The following RBFOX3 variants were observed in gnomAD, a reference collection of about 807,000 sequenced individuals.
RBFOX3 encodes the protein RNA binding fox-1 homolog 3.
In RBFOX3, 17 loss-of-function variants were observed where a neutral mutation model predicts 48.7. That is an observed-to-expected ratio of 0.35 (90% confidence interval 0.24 to 0.52). RBFOX3 has a LOEUF of 0.52. Ranked by LOEUF, RBFOX3 falls within the 20% of genes least tolerant of loss-of-function variation. RBFOX3 has a pLI of 0.94. For missense variants in RBFOX3, 382 were observed against 497.5 expected (o/e 0.77, Z 2.21); for synonymous variants, 212 against 209.5 (o/e 1.01, Z -0.10).
At chr17:79,226,591 T>C (rs1057419117) in intron 4 of RBFOX3, among the ~76,000 whole-genome samples, 1 of 152,106 alleles carries the variant, frequency 6.6e-6, no homozygotes, top group Non-Finnish European at 1.5e-5. Flanking sequence ...GCCTGGGATG[T>C]GGCAAAACTC....
intron 2 of RBFOX3, among the ~76,000 whole-genome samples, chr17:79,461,150 G>C (rs1486928336): frequency 1.3e-5 from 2 of 152,174 alleles, no homozygotes; most frequent in Non-Finnish European, 2.9e-5. Flanking sequence ...GGGGTTGTTG[G>C]GGGTACACAT....
intron 1 of RBFOX3, among the ~76,000 whole-genome samples, chr17:79,543,520 C>T (rs1375532314): frequency 6.6e-6 from 1 of 152,122 alleles, no homozygotes; most frequent in African/African-American, 2.4e-5. Context: ...GCTTCGGCTA[C>T]TCAGCTACTC....
intron 4 of RBFOX3, among the ~76,000 whole-genome samples, chr17:79,149,073 A>G (rs549592898): frequency 6.6e-6 from 1 of 152,198 alleles, no homozygotes; most frequent in African/African-American, 2.4e-5. Flanking sequence ...CGAACAGCGC[A>G]CTCTAAAGCT....
At chr17:79,183,066 C>T (rs1337423011) in intron 4 of RBFOX3, among the ~76,000 whole-genome samples, 1 of 148,960 alleles carries the variant, frequency 6.7e-6, no homozygotes, top group Admixed American at 6.7e-5. Flanking sequence ...CCGCGCGCGC[C>T]CTGGGCGCCC....
intron 2 of RBFOX3, among the ~76,000 whole-genome samples, chr17:79,478,943 GA>G (rs1438347254): frequency 2.0e-5 from 3 of 152,206 alleles, no homozygotes; most frequent in African/African-American, 7.2e-5. Flanking sequence ...AACCAGGGCT[GA>G]GGCAATGTCC....
intron 4 of RBFOX3, among the ~76,000 whole-genome samples, chr17:79,170,308 C>T (rs757828935): frequency 9.2e-5 from 14 of 152,072 alleles, no homozygotes; most frequent in South Asian, 4.2e-4. Flanking sequence ...GCTGGGGTAC[C>T]GGCTCCGGTC....
chr17:79,625,874 T>C, the RBFOX3 span, among the ~76,000 whole-genome samples: 1 of 152,134 alleles, frequency 6.6e-6, no homozygotes, highest in Non-Finnish European at 1.5e-5. Context: ...CAGACGGGGG[T>C]GGCTGCGGCC....
At chr17:79,261,269 C>T (rs935647724) in intron 3 of RBFOX3, among the ~76,000 whole-genome samples, 1 of 152,220 alleles carries the variant, frequency 6.6e-6, no homozygotes, top group Non-Finnish European at 1.5e-5. Flanking sequence ...GTCTCCAGAG[C>T]CCAGGACAGG....
At chr17:79,260,231 A>G (rs947575891) in intron 3 of RBFOX3, among the ~76,000 whole-genome samples, 1 of 151,934 alleles carries the variant, frequency 6.6e-6, no homozygotes, top group African/African-American at 2.4e-5. Flanking sequence ...ACCCCTCCCC[A>G]CTGGCTAGCT....
chr17:79,210,978 A>C (rs143244226), intron 4 of RBFOX3, among the ~76,000 whole-genome samples: 320 of 151,790 alleles, frequency 2.1e-3, no homozygotes, highest in African/African-American at 7.1e-3. Context: ...CCATACAAAT[A>C]AACAGGAGGA....
chr17:79,463,664 G>A (rs781857280), intron 2 of RBFOX3, among the ~76,000 whole-genome samples: 27 of 115,694 alleles, frequency 2.3e-4, no homozygotes, highest in Non-Finnish European at 4.2e-4. Flanking sequence ...CATCGCCACC[G>A]CCACCTCCAC....
rs143533470 is a variant in RBFOX3 at position 79,324,702 on chromosome 17, C to T, written c.-174-16878G>A. Among the ~76,000 whole-genome samples the T allele has an allele frequency of 2.1e-3, 318 of 152,276 alleles. 3 individuals are homozygous for T. The highest frequency in any genetic ancestry group is 5.5e-3 in the African/African-American group (228 of 41,560). ...GAAGGGAGACCCTTGGAGTGGGGAGCCTGGATAGGGGAGAGCAGGCAGCCT... is the reference window on the plus strand; with the variant it reads ...GAAGGGAGACCCTTGGAGTGGGGAGTCTGGATAGGGGAGAGCAGGCAGCCT... On this transcript the variant is annotated intron_variant, in intron 2 of 14. Coordinates refer to ENST00000693108, the MANE Select transcript of RBFOX3 (RefSeq NM_001350451.2).
intron 1 of RBFOX3, among the ~76,000 whole-genome samples, chr17:79,504,100 G>C (rs1280569502): frequency 6.6e-6 from 1 of 152,152 alleles, no homozygotes; most frequent in Non-Finnish European, 1.5e-5. Context: ...GAGAGTTCCT[G>C]TGACCAAAGA....
chr17:79,403,380 C>T (rs1291772474), intron 2 of RBFOX3, among the ~76,000 whole-genome samples: 2 of 152,232 alleles, frequency 1.3e-5, no homozygotes, highest in African/African-American at 4.8e-5. Context: ...AGACGGGCAG[C>T]TCCCATGGGG....
At chr17:79,598,294 A>ATGCACACATGCACACG (rs1166743094) in intron 1 of RBFOX3, 4 of 152,290 alleles carry the variant, frequency 2.6e-5, no homozygotes, top group African/African-American at 7.2e-5. Context: ...GACCGTGCAC[A>ATGCACACATGCACACG]TGCACACATG....
intron 5 of RBFOX3, among the ~76,000 whole-genome samples, chr17:79,108,402 C>T (rs868821704): frequency 2.6e-5 from 4 of 152,264 alleles, no homozygotes; most frequent in African/African-American, 7.2e-5. Flanking sequence ...GCCATTCCCA[C>T]GCATCTCCAG....
At chr17:79,379,606 C>T (rs114709702) in intron 2 of RBFOX3, among the ~76,000 whole-genome samples, 2,319 of 152,256 alleles carry the variant, frequency 0.015, 54 homozygotes, top group African/African-American at 0.053. Flanking sequence ...GCAGGGACCT[C>T]GGAGACTCAG....
intron 2 of RBFOX3, among the ~76,000 whole-genome samples, chr17:79,379,339 C>T (rs923676485): frequency 3.3e-5 from 5 of 152,300 alleles, no homozygotes; most frequent in African/African-American, 1.2e-4. Context: ...TGACCTCCTA[C>T]TTCCGAGAGC....
At chr17:79,660,648 T>C in the RBFOX3 span, among the ~76,000 whole-genome samples, 1 of 152,156 alleles carries the variant, frequency 6.6e-6, no homozygotes. Flanking sequence ...AAACAACAGA[T>C]GCTGGCGAGG....
Sources: gnomAD v4.1 joint callset for allele counts (sites outside exome capture counted in the v4.1 genomes callset) on GRCh38, gnomAD v4.1.1 for gene constraint, MANE v1.5 for transcripts, NCBI Gene and HGNC (gene_info 2026-07-23, HGNC 2026-07-21) for gene names.